ZDHHC14: variants seen among roughly 807,000 people sequenced by gnomAD.
ZDHHC14 encodes the protein palmitoyltransferase ZDHHC14.
In ZDHHC14, 16 loss-of-function variants were observed where a neutral mutation model predicts 47.7. That is an observed-to-expected ratio of 0.34 (90% CI 0.23 to 0.51). The LOEUF (loss-of-function observed/expected upper bound fraction) is 0.51, where lower values mean the gene tolerates loss of function less well. ZDHHC14 is among the 20% of genes least tolerant of loss of function. The probability of loss-of-function intolerance (pLI) is 0.97; values close to 1 mark genes in which losing one functional copy is unlikely to be tolerated. For synonymous variants in ZDHHC14, 293 were observed against 278.9 expected (o/e 1.05, Z -0.50); for missense variants, 515 against 662.5 (o/e 0.78, Z 2.44).
chr6:157,520,026 G>A (rs1408360808), intron 1 of ZDHHC14, among the ~76,000 whole-genome samples: 1 of 152,210 alleles, frequency 6.6e-6, no homozygotes, highest in Non-Finnish European at 1.5e-5. Flanking sequence ...CTTCAACTGA[G>A]CTGAAGGGAA....
intron 1 of ZDHHC14, among the ~76,000 whole-genome samples, chr6:157,503,409 G>A (rs534218917): frequency 1.7e-4 from 26 of 152,242 alleles, no homozygotes; most frequent in African/African-American, 5.8e-4. Flanking sequence ...TTACATCTCC[G>A]CTCCTGAACT....
intron 1 of ZDHHC14, among the ~76,000 whole-genome samples, chr6:157,520,801 A>G (rs1780885157): frequency 6.6e-6 from 1 of 152,214 alleles, no homozygotes; most frequent in Non-Finnish European, 1.5e-5. Context: ...CTGATAAAGA[A>G]TGGCTGGTTG....
intron 1 of ZDHHC14, among the ~76,000 whole-genome samples, chr6:157,504,541 C>A (rs1449534265): frequency 7.2e-6 from 1 of 139,590 alleles, no homozygotes; most frequent in Non-Finnish European, 1.5e-5. Context: ...CAGCCTCCGG[C>A]TCCTGGGTTC....
At position 157,593,127 on chromosome 6, in the gene ZDHHC14, C is replaced by T. The variant is rs1321501817; in HGVS notation, c.546C>T (p.Ser182=). Residue 182 remains serine, a synonymous_variant, in exon 3 of 9, where the codon AGC becomes AGT. Coordinates refer to ENST00000359775, the MANE Select transcript of ZDHHC14 (RefSeq NM_024630.3). The stretch of plus-strand genomic sequence containing the variant: ...GGCCCCCTCGCGCCTCCCATTGCAG[C>T]CTTTGTGATAACTGCGTAGGTGAGT... ...IFRPPRASHC[S]LCDNCVERFD... 3 of 1,613,148 alleles carry T rather than the reference C, an allele frequency of 1.9e-6. No individual in the cohort carries two copies. Among genetic ancestry groups the T allele is most frequent in the Non-Finnish European group, 2.5e-6 (3 of 1,179,492 alleles).
intron 2 of ZDHHC14, among the ~76,000 whole-genome samples, chr6:157,553,887 C>G (rs895963465): frequency 1.3e-5 from 2 of 152,194 alleles, no homozygotes; most frequent in African/African-American, 4.8e-5. Flanking sequence ...ACAGGGAAAG[C>G]AGACGGAGGT....
At chr6:157,391,446 G>A (rs1430319731) in intron 1 of ZDHHC14, among the ~76,000 whole-genome samples, 4 of 152,242 alleles carry the variant, frequency 2.6e-5, no homozygotes, top group Admixed American at 6.5e-5. Context: ...GCTAAGTCCT[G>A]TAGGCTTCAG....
At chr6:157,452,776 C>T (rs1370304654) in intron 1 of ZDHHC14, among the ~76,000 whole-genome samples, 2 of 139,422 alleles carry the variant, frequency 1.4e-5, no homozygotes, top group Non-Finnish European at 3.0e-5. Flanking sequence ...GATCTCGGCT[C>T]ACTGCAAGCT....
chr6:157,666,067 A>G (rs1222877642), intron 8 of ZDHHC14, among the ~76,000 whole-genome samples: 1 of 152,246 alleles, frequency 6.6e-6, no homozygotes, highest in Non-Finnish European at 1.5e-5. Context: ...ATGTATATGC[A>G]TGACATACTC....
intron 5 of ZDHHC14, among the ~76,000 whole-genome samples, chr6:157,642,041 G>GATAGATAGAT (rs1458301364): frequency 6.7e-6 from 1 of 149,666 alleles, no homozygotes; most frequent in Non-Finnish European, 1.5e-5. Context: ...TAGATAGATA[G>GATAGATAGAT]ATAGATAGAT....
chr6:157,652,021 C>T (rs1391943783), intron 7 of ZDHHC14, among the ~76,000 whole-genome samples: 4 of 152,202 alleles, frequency 2.6e-5, no homozygotes, highest in Admixed American at 6.5e-5. Context: ...CTTTTCCCCT[C>T]GGACCCTTTG....
At chr6:157,669,553 G>A (rs1230518549) in intron 8 of ZDHHC14, among the ~76,000 whole-genome samples, 1 of 152,242 alleles carries the variant, frequency 6.6e-6, no homozygotes, top group Non-Finnish European at 1.5e-5. Context: ...CTGTGAGTCT[G>A]TGAGAGTCAG....
At chr6:157,580,885 A>G (rs1209679144) in intron 2 of ZDHHC14, among the ~76,000 whole-genome samples, 1 of 150,438 alleles carries the variant, frequency 6.6e-6, no homozygotes, top group Non-Finnish European at 1.5e-5. Context: ...GGATTTGTTG[A>G]TGTTTTATAT....
chr6:157,524,187 T>C (rs1781072670), intron 1 of ZDHHC14, among the ~76,000 whole-genome samples: 1 of 151,792 alleles, frequency 6.6e-6, no homozygotes, highest in South Asian at 2.1e-4. Context: ...TGGAGTGCAA[T>C]GGTGTGATCT....
At chr6:157,642,167 C>A (rs1372370937) in intron 5 of ZDHHC14, among the ~76,000 whole-genome samples, 1 of 152,212 alleles carries the variant, frequency 6.6e-6, no homozygotes, top group Non-Finnish European at 1.5e-5. Context: ...ATCTCCCTGG[C>A]CATTCTGGAA....
intron 1 of ZDHHC14, among the ~76,000 whole-genome samples, chr6:157,409,086 G>A (rs1011668301): frequency 1.3e-5 from 2 of 152,348 alleles, no homozygotes; most frequent in South Asian, 2.1e-4. Flanking sequence ...TCATTTGCTC[G>A]ATCGCTGTCA....
chr6:157,562,939 C>T (rs1425232957), intron 2 of ZDHHC14, among the ~76,000 whole-genome samples: 1 of 152,040 alleles, frequency 6.6e-6, no homozygotes, highest in Non-Finnish European at 1.5e-5. Context: ...CCCAACCCCA[C>T]CCCTGCCCTG....
chr6:157,650,622 C>A (rs1223440255), intron 7 of ZDHHC14, among the ~76,000 whole-genome samples: 2 of 151,226 alleles, frequency 1.3e-5, no homozygotes, highest in East Asian at 3.9e-4. Context: ...CCCTGCAAGC[C>A]CCTTAATTTC....
intron 1 of ZDHHC14, among the ~76,000 whole-genome samples, chr6:157,452,690 ATTTTTTTTTTTTTTT>A (rs747862336): frequency 2.7e-5 from 2 of 72,962 alleles, no homozygotes; most frequent in East Asian, 1.0e-3. Context: ...ATACATGGGG[ATTTTTTTTTTTTTTT>A]TTTTTTTTTT....
chr6:157,425,373 G>C (rs903856245), intron 1 of ZDHHC14, among the ~76,000 whole-genome samples: 1 of 152,290 alleles, frequency 6.6e-6, no homozygotes, highest in Non-Finnish European at 1.5e-5. Flanking sequence ...TTCTTTGGGG[G>C]TTTTTAGCTG....
Sources: allele counts gnomAD v4.1 joint callset (sites outside exome capture counted in the v4.1 genomes callset), GRCh38; gene constraint gnomAD v4.1.1; transcripts MANE v1.5; gene names NCBI Gene and HGNC (gene_info 2026-07-23, HGNC 2026-07-21).